Variants in PSMA1 observed in about 807,000 individuals in gnomAD.
PSMA1 encodes the protein proteasome 20S subunit alpha 1.
In PSMA1, 3 loss-of-function variants were observed where a neutral mutation model predicts 38.4. The ratio of observed to expected loss-of-function variants is 0.08; its 90% CI spans 0.04 to 0.20. The LOEUF (loss-of-function observed/expected upper bound fraction) is 0.20, where lower values mean the gene tolerates loss of function less well. PSMA1 is among the 10% of genes least tolerant of loss of function. The probability of loss-of-function intolerance (pLI) is 1.00; values close to 1 mark genes in which losing one functional copy is unlikely to be tolerated. For synonymous variants in PSMA1, 101 were observed against 107.1 expected, an observed-to-expected ratio of 0.94 and a Z score of 0.35; for missense variants, 227 against 325.3, an observed-to-expected ratio of 0.70 and a Z score of 2.32.
At chr11:14,536,454 G>A (rs1012158179) in intron 2 of PSMA1, among the ~76,000 whole-genome samples, 3 of 151,848 alleles carry the variant, frequency 2.0e-5, no homozygotes, top group Non-Finnish European at 2.9e-5. Flanking sequence ...TTGAACCCGG[G>A]AGGTGGAGGT....
intron 8 of PSMA1, among the ~76,000 whole-genome samples, chr11:14,510,462 ATAATG>A (rs1233724795): frequency 1.3e-5 from 2 of 152,150 alleles, no homozygotes; most frequent in African/African-American, 2.4e-5. Context: ...AATATACTAT[ATAATG>A]TACTTATGTA....
At chr11:14,609,813 C>A (rs940906330) in intron 2 of PSMA1, among the ~76,000 whole-genome samples, 3 of 152,074 alleles carry the variant, frequency 2.0e-5, no homozygotes, top group Admixed American at 2.0e-4. Context: ...AGATAGGAAG[C>A]CAGTGCAGGG....
At chr11:14,581,231 T>C (rs1852279063) in intron 2 of PSMA1, among the ~76,000 whole-genome samples, 1 of 152,192 alleles carries the variant, frequency 6.6e-6, no homozygotes, top group South Asian at 2.1e-4. Context: ...CTTGCATTTG[T>C]TCTAAGGGCA....
chr11:14,591,090 C>T (rs1243281424), intron 2 of PSMA1, among the ~76,000 whole-genome samples: 6 of 152,324 alleles, frequency 3.9e-5, no homozygotes, highest in Non-Finnish European at 5.9e-5. Context: ...ACCGGGGCTG[C>T]GTGCAGCGCT....
chr11:14,572,737 G>T (rs1450567982), intron 2 of PSMA1, among the ~76,000 whole-genome samples: 1 of 151,956 alleles, frequency 6.6e-6, no homozygotes, highest in African/African-American at 2.4e-5. Flanking sequence ...CTGGTTTTTT[G>T]AAAAGATCAA....
chr11:14,633,205 G>T (rs1853055455), intron 1 of PSMA1, among the ~76,000 whole-genome samples: 1 of 151,492 alleles, frequency 6.6e-6, no homozygotes, highest in Admixed American at 6.6e-5. Flanking sequence ...TGGAGGAGGA[G>T]AGGCGCTCTG....
intron 2 of PSMA1, among the ~76,000 whole-genome samples, chr11:14,539,987 T>C (rs920423442): frequency 1.3e-5 from 2 of 152,198 alleles, no homozygotes; most frequent in Non-Finnish European, 2.9e-5. Flanking sequence ...CACTATAGAT[T>C]TGCAGCATTT....
intron 2 of PSMA1, among the ~76,000 whole-genome samples, chr11:14,591,534 T>C (rs933506988): frequency 1.3e-5 from 2 of 152,208 alleles, no homozygotes; most frequent in African/African-American, 2.4e-5. Context: ...TTCCTGAGTC[T>C]GGCGGGGCCT....
chr11:14,520,526 G>A (rs1009894996), upstream of PSMA1: 1 of 1,396,958 alleles, frequency 7.2e-7, no homozygotes, highest in South Asian at 1.5e-5. Flanking sequence ...TCTAGGAACT[G>A]AGACTGGCGG....
intron 2 of PSMA1, among the ~76,000 whole-genome samples, chr11:14,564,053 C>T (rs1026642021): frequency 1.6e-4 from 24 of 152,104 alleles, no homozygotes; most frequent in African/African-American, 5.8e-4. Flanking sequence ...TACCTTATAT[C>T]CTTTACCCAA....
At position 14,516,841 on chromosome 11, in the gene PSMA1, G is replaced by A. The variant is rs1385332581; in HGVS notation, c.254+801C>T. Among the ~76,000 whole-genome samples the A allele has an allele frequency of 3.3e-5, 5 of 152,066 alleles. No individual in the cohort carries two copies. The East Asian group carries it at 9.6e-4, about 29-fold the overall frequency. ...CTCGGGAGGCTGAGGCAGGAGAATC[G>A]CTTGAACCTGGGAGGTAGAGGTTGC... On this transcript the variant is annotated intron_variant, in intron 4 of 9. Coordinates refer to ENST00000396394, the MANE Select transcript of PSMA1 (RefSeq NM_002786.4).
intron 2 of PSMA1, among the ~76,000 whole-genome samples, chr11:14,529,316 A>G (rs1382088514): frequency 6.6e-6 from 1 of 152,176 alleles, no homozygotes; most frequent in Non-Finnish European, 1.5e-5. Context: ...GCAATTTGTA[A>G]GTAACTTATT....
At chr11:14,506,418 T>C (rs1372594642) in intron 9 of PSMA1, among the ~76,000 whole-genome samples, 1 of 152,130 alleles carries the variant, frequency 6.6e-6, no homozygotes, top group Admixed American at 6.5e-5. Context: ...GTTTAAATAT[T>C]GCAAATCTTG....
exon 2 of PSMA1, chr11:14,611,027 A>T: frequency 6.3e-7 from 1 of 1,593,126 alleles, no homozygotes. Flanking sequence ...CCAACATACA[A>T]CATAGGTCTG....
At chr11:14,505,829 A>G (rs1167922577) in intron 9 of PSMA1, among the ~76,000 whole-genome samples, 4 of 152,162 alleles carry the variant, frequency 2.6e-5, no homozygotes, top group South Asian at 4.2e-4. Context: ...ACACAGTGAG[A>G]TCCCATCTCT....
At chr11:14,597,914 C>A (rs1385355673) in intron 2 of PSMA1, among the ~76,000 whole-genome samples, 1 of 152,162 alleles carries the variant, frequency 6.6e-6, no homozygotes, top group Non-Finnish European at 1.5e-5. Context: ...CTACACACTG[C>A]TTTGAGTGTG....
intron 2 of PSMA1, among the ~76,000 whole-genome samples, chr11:14,571,618 T>A (rs1471067926): frequency 6.6e-6 from 1 of 152,080 alleles, no homozygotes; most frequent in Non-Finnish European, 1.5e-5. Context: ...ACGAGCAAAA[T>A]AACCAGCTAA....
chr11:14,540,038 T>G (rs1197113307), intron 2 of PSMA1, among the ~76,000 whole-genome samples: 1 of 152,166 alleles, frequency 6.6e-6, no homozygotes, highest in East Asian at 1.9e-4. Context: ...AGCAGGAACC[T>G]CTCTCCACCA....
intron 1 of PSMA1, among the ~76,000 whole-genome samples, chr11:14,614,012 T>C (rs1852739747): frequency 6.6e-6 from 1 of 152,238 alleles, no homozygotes; most frequent in Non-Finnish European, 1.5e-5. Flanking sequence ...AAAAGAACTC[T>C]GCTTGTCACA....
Sources: allele counts gnomAD v4.1 joint callset (sites outside exome capture counted in the v4.1 genomes callset), GRCh38; gene constraint gnomAD v4.1.1; transcripts MANE v1.5; gene names NCBI Gene and HGNC (gene_info 2026-07-23, HGNC 2026-07-21).